HIBCH: variants seen among roughly 807,000 people sequenced by gnomAD.
The protein encoded by HIBCH is 3-hydroxyisobutyryl-CoA hydrolase, mitochondrial.
Under a neutral mutation model 58.2 loss-of-function variants are expected in HIBCH, and 50 were observed. That is an observed-to-expected ratio of 0.86 (90% CI 0.68 to 1.09). HIBCH has a LOEUF of 1.09. HIBCH is among the 50% of genes least tolerant of loss of function. The pLI is 0.00. For missense variants in HIBCH, 450 were observed against 449.7 expected (o/e 1.00, Z -0.01); for synonymous variants, 151 against 146.9 (o/e 1.03, Z -0.20).
chr2:190,294,018 GTGTGTATATA>G (rs1318921934), intron 4 of HIBCH, among the ~76,000 whole-genome samples: 5 of 39,968 alleles, frequency 1.3e-4, no homozygotes, highest in African/African-American at 3.8e-4. Context: ...TATATATTTT[GTGTGTATATA>G]TATATATATA....
At chr2:190,299,024 T>C (rs1173288490) in intron 2 of HIBCH, among the ~76,000 whole-genome samples, 1 of 152,244 alleles carries the variant, frequency 6.6e-6, no homozygotes, top group African/African-American at 2.4e-5. Flanking sequence ...TTGCTTGTTT[T>C]TGTCAGGTTT....
chr2:190,240,784 C>T lies in HIBCH; in HGVS notation c.891+4103G>A, dbSNP rs140162373. 1.5e-3 allele frequency among the ~76,000 whole-genome samples: 234 copies of T among 152,220 alleles called. 1 individual carries two copies. The highest frequency in any genetic ancestry group is 1.0e-2 in the South Asian group (48 of 4,822). ...AGTTGTTCACTTTCCATGTATTGTG[C>T]GGTTTTGAGTGAGTTTCTTAATCCT... On this transcript the variant is annotated intron_variant, in intron 11 of 13. Coordinates refer to ENST00000359678, the MANE Select transcript of HIBCH (RefSeq NM_014362.4).
At chr2:190,222,387 A>G (rs918883290) in intron 11 of HIBCH, among the ~76,000 whole-genome samples, 3 of 152,160 alleles carry the variant, frequency 2.0e-5, no homozygotes, top group African/African-American at 7.2e-5. Flanking sequence ...TCTAAGGTTC[A>G]AGAATGTCAA....
At chr2:190,291,405 C>CCTTCTAGGAAAGGTTA (rs563742987) in intron 4 of HIBCH, among the ~76,000 whole-genome samples, 18 of 152,112 alleles carry the variant, frequency 1.2e-4, no homozygotes, top group African/African-American at 4.3e-4. Context: ...GAAGAGGTAA[C>CCTTCTAGGAAAGGTTA]CCTAAGCCAA....
chr2:190,266,180 G>A (rs1687229928), intron 6 of HIBCH, among the ~76,000 whole-genome samples: 1 of 151,962 alleles, frequency 6.6e-6, no homozygotes, highest in Non-Finnish European at 1.5e-5. Context: ...GGCCTATTTT[G>A]GCAAGTGTTT....
chr2:190,223,512 A>G (rs968426797), intron 11 of HIBCH, among the ~76,000 whole-genome samples: 2 of 152,250 alleles, frequency 1.3e-5, no homozygotes, highest in African/African-American at 4.8e-5. Flanking sequence ...AAACAGAGTC[A>G]AGGAAAGGCT....
In HIBCH at chr2:190,304,989, G is replaced by T. The variant is rs1688365724; in HGVS notation, c.78+5765C>A. ...AGCCTTAAGTCTCTCTAACTGTGTGGTCTTGTGTAATCTTTATTCCATTGG... is the reference window on the plus strand; with the variant it reads ...AGCCTTAAGTCTCTCTAACTGTGTGTTCTTGTGTAATCTTTATTCCATTGG... On this transcript the variant is annotated intron_variant, in intron 2 of 13. Transcript: ENST00000359678. This position sits in a 1 kb window ranked among gnomAD's most constrained non-coding sequence, Gnocchi z 4.1. 6.6e-6 allele frequency among the ~76,000 whole-genome samples: 1 copy of T among 151,982 alleles called. No individual in the cohort carries two copies. The highest frequency in any genetic ancestry group is 1.5e-5 in the Non-Finnish European group (1 of 68,012).
At chr2:190,272,069 G>A (rs1034588100) in intron 6 of HIBCH, among the ~76,000 whole-genome samples, 8 of 146,930 alleles carry the variant, frequency 5.4e-5, no homozygotes, top group South Asian at 2.2e-4. Context: ...TTAAGCCTCA[G>A]CTTAAATATA....
At position 190,207,710 on chromosome 2, in the gene HIBCH, G is replaced by A. The variant is rs181585616; in HGVS notation, c.1045+1170C>T. ...AGCCTGGCCAACATGGTGAAACCCC[G>A]TTTCTACTAAAAATACAAAAATCAG... On this transcript the variant is annotated intron_variant, in intron 13 of 13. Transcript: ENST00000359678. This position sits in a 1 kb window ranked among gnomAD's most constrained non-coding sequence, Gnocchi z 4.5. Among the ~76,000 whole-genome samples the A allele has an allele frequency of 3.2e-3, 481 of 152,054 alleles. 1 individual carries two copies. The highest frequency in any genetic ancestry group is 0.011 in the African/African-American group (457 of 41,472).
downstream of HIBCH, chr2:190,200,798 T>C (rs186106426): frequency 6.0e-6 from 1 of 167,552 alleles, no homozygotes; most frequent in Admixed American, 6.5e-5. Flanking sequence ...TAACAGTTTA[T>C]AGAAGCCATG....
intron 8 of HIBCH, 134 bp downstream of exon 8, chr2:190,252,028 T>C (rs1041886080): frequency 1.4e-5 from 11 of 790,292 alleles, no homozygotes; most frequent in Admixed American, 4.1e-5. Flanking sequence ...AACACAGCTA[T>C]AAACTAATAG....
chr2:190,283,204 C>T (rs1687748575), intron 6 of HIBCH, among the ~76,000 whole-genome samples: 1 of 152,046 alleles, frequency 6.6e-6, no homozygotes, highest in Admixed American at 6.6e-5. Flanking sequence ...AATTCTTTGC[C>T]TTCTACTTTT....
At chr2:190,269,561 A>C (rs1366123893) in intron 6 of HIBCH, among the ~76,000 whole-genome samples, 1 of 152,230 alleles carries the variant, frequency 6.6e-6, no homozygotes, top group Admixed American at 6.5e-5. Context: ...ATTATTAAGA[A>C]GTCAGGAAAC....
Position 190,204,877 on chromosome 2 carries a change from C to T in HIBCH, c.*240G>A, listed in dbSNP as rs1235556716. ...TCTATTGCAACTACTCATTTCAAAGCAGCCACAGATAATATATAAACAGAT... is the reference window on the plus strand; with the variant it reads ...TCTATTGCAACTACTCATTTCAAAGTAGCCACAGATAATATATAAACAGAT... On this transcript the variant is annotated 3_prime_UTR_variant, in exon 14 of 14. Transcript: ENST00000359678. 6.6e-6 allele frequency: 3 copies of T among 451,650 alleles called. No homozygotes were observed. Among genetic ancestry groups the T allele is most frequent in the Non-Finnish European group, 1.2e-5 (3 of 249,064 alleles). 28.0% of individuals were successfully genotyped at this position (451,650 alleles called of 1,614,324 possible).
At chr2:190,194,300 T>C (rs1031268352) in intron 1 of HIBCH, among the ~76,000 whole-genome samples, 30 of 152,186 alleles carry the variant, frequency 2.0e-4, no homozygotes, top group African/African-American at 7.0e-4. Flanking sequence ...TTGACTATTC[T>C]AGTAATGTTT....
chr2:190,310,594 TC>T, intron 2 of HIBCH, among the ~76,000 whole-genome samples, 159 bp downstream of exon 2: 1 of 152,168 alleles, frequency 6.6e-6, no homozygotes, highest in Non-Finnish European at 1.5e-5. Context: ...TTATGCCACC[TC>T]CTACAAGGTG....
rs1688525866 is a variant in HIBCH, at chr2:190,310,338, T to C, written c.78+416A>G. Among the ~76,000 whole-genome samples the C allele has an allele frequency of 1.3e-5, 2 of 152,258 alleles. 1 individual carries two copies. Among genetic ancestry groups the C allele is most frequent in the South Asian group, 4.1e-4 (2 of 4,836 alleles). On this transcript the variant is annotated intron_variant, in intron 2 of 13. Transcript: ENST00000359678. The stretch of plus-strand genomic sequence containing the variant: ...TGTGATCATGTGAGTCAATTCTCCT[T>C]AATAAACTCCCTTTCATATATACAT...
At chr2:190,256,889 T>C (rs1263206034) in intron 7 of HIBCH, among the ~76,000 whole-genome samples, 1 of 152,086 alleles carries the variant, frequency 6.6e-6, no homozygotes, top group African/African-American at 2.4e-5. Context: ...AAGAGAAGAT[T>C]AATGAATTTA....
intron 1 of HIBCH, among the ~76,000 whole-genome samples, chr2:190,192,042 C>G (rs1689734229): frequency 6.6e-6 from 1 of 151,670 alleles, no homozygotes. Context: ...TTTTCCTAAC[C>G]CAAGATCGCA....
Sources: gnomAD v4.1 joint callset for allele counts (sites outside exome capture counted in the v4.1 genomes callset) on GRCh38, gnomAD v4.1.1 for gene constraint, Gnocchi (gnomAD v3.1) non-coding constraint, MANE v1.5 for transcripts, NCBI Gene and HGNC (gene_info 2026-07-23, HGNC 2026-07-21) for gene names.